Variants in PLEKHB1 observed in about 807,000 individuals in gnomAD.
PLEKHB1 encodes the protein pleckstrin homology domain-containing family B member 1.
In PLEKHB1, 29 loss-of-function variants were observed where a neutral mutation model predicts 36.2. The observed-to-expected ratio is 0.80, with a 90% CI of 0.60 to 1.09. The LOEUF is 1.09. Among genes scored for constraint, PLEKHB1 ranks in the 50% least tolerant of loss-of-function variants. The pLI, the probability that PLEKHB1 is intolerant of heterozygous loss-of-function variation, is 0.00. For missense variants in PLEKHB1, 330 were observed against 348.2 expected (o/e 0.95, Z 0.42); for synonymous variants, 138 against 140.0 (o/e 0.99, Z 0.10).
At chr11:73,657,830 C>T (rs3817514) in intron 6 of PLEKHB1, among the ~76,000 whole-genome samples, 76,354 of 152,018 alleles carry the variant, frequency 0.5, 20,712 homozygotes, top group Non-Finnish European at 0.61. Flanking sequence ...CCTATTGGAT[C>T]ACTGATGGGG....
In PLEKHB1 at chr11:73,646,601, C is replaced by T. The variant is rs956433028; in HGVS notation, c.-8C>T. 1.1e-5 allele frequency: 17 copies of T among 1,551,584 alleles called. No homozygotes were observed. The highest frequency in any genetic ancestry group is 1.4e-5 in the Non-Finnish European group (16 of 1,146,966). ...TCTGGGAAATGCTGCCCTGGCCACC[C>T]AGGAACCATGAGCCCTGCAGCCCCG... On this transcript the variant is annotated 5_prime_UTR_variant, in exon 1 of 8. Coordinates refer to ENST00000354190, the MANE Select transcript of PLEKHB1 (RefSeq NM_021200.3).
rs75484468 is a variant in PLEKHB1 at position 73,661,348 on chromosome 11, G to A, written c.596-118G>A. On this transcript the variant is annotated intron_variant, in intron 7 of 7. Coordinates refer to ENST00000354190, the MANE Select transcript of PLEKHB1 (RefSeq NM_021200.3). This position sits in a 1 kb window ranked among gnomAD's most constrained non-coding sequence, Gnocchi z 4.6. The stretch of plus-strand genomic sequence containing the variant: ...TCTAGATCTGTTCTTTGACTGGGGA[G>A]CAGGAGAGTGGGTTCGGCGCCTTAC... The A allele has an allele frequency of 4.0e-5, 45 of 1,130,310 alleles. No homozygotes were observed. The African/African-American group carries it at 5.1e-4, about 13-fold the overall frequency. 70.0% of individuals were successfully genotyped at this position (1,130,310 alleles called of 1,614,324 possible). A position where few individuals can be genotyped will look rare whatever the true frequency, so the allele number is the denominator to read the frequency against.
chr11:73,651,980 T>C, intron 4 of PLEKHB1, 90 bp downstream of exon 4: 5 of 1,197,680 alleles, frequency 4.2e-6, no homozygotes, highest in Non-Finnish European at 6.0e-6. Flanking sequence ...TCTCTGACCG[T>C]AGGAAGAGGG....
intron 6 of PLEKHB1, among the ~76,000 whole-genome samples, chr11:73,657,553 C>T (rs558028977): frequency 6.6e-6 from 1 of 152,308 alleles, no homozygotes; most frequent in Admixed American, 6.5e-5. Context: ...GGTCTCTGGG[C>T]TGTCCCTATT....
chr11:73,651,657 G>A (rs935259670), intron 3 of PLEKHB1, 131 bp from the exon 4 acceptor site: 13 of 701,798 alleles, frequency 1.9e-5, no homozygotes, highest in Admixed American at 1.8e-4. Context: ...GAGAGTATAT[G>A]GGATCAGAGG....
chr11:73,648,510 A>T (rs977975333), intron 1 of PLEKHB1, among the ~76,000 whole-genome samples: 1 of 152,242 alleles, frequency 6.6e-6, no homozygotes, highest in Non-Finnish European at 1.5e-5. Flanking sequence ...AGTGGGGTCC[A>T]AATAGGAGGG....
intron 5 of PLEKHB1, 45 bp downstream of exon 5, chr11:73,653,059 C>T: frequency 1.9e-6 from 3 of 1,566,670 alleles, no homozygotes; most frequent in South Asian, 2.3e-5. Context: ...CCTCCATGTG[C>T]CATGGAATCA....
chr11:73,661,512 C>A lies in PLEKHB1; in HGVS notation c.642C>A (p.Ser214Arg). The change falls in exon 8 of 8, where the codon AGC becomes AGA. Residue 214 changes from serine to arginine, a missense_variant. By Grantham distance (110) the Ser-to-Arg change is moderately radical. Coordinates refer to ENST00000354190, the MANE Select transcript of PLEKHB1 (RefSeq NM_021200.3). This position sits in a 1 kb window ranked among gnomAD's most constrained non-coding sequence, Gnocchi z 4.6. ...TAGTGCGGGAGGATCCCTGCTACAG[C>A]GCCGGCGCCCCTCTGGCCATGGGCA... Reference protein sequence around the residue: ...HVIVREDPCYSAGAPLAMGML... With the variant: ...HVIVREDPCYRAGAPLAMGML... 2 of 1,613,584 alleles carry A rather than the reference C, an allele frequency of 1.2e-6. No homozygotes were observed. The highest frequency in any genetic ancestry group is 1.7e-6 in the Non-Finnish European group (2 of 1,179,682).
chr11:73,656,035 C>T, intron 6 of PLEKHB1, 128 bp downstream of exon 6: 4 of 770,904 alleles, frequency 5.2e-6, no homozygotes, highest in South Asian at 1.6e-5. Context: ...GGACACAAAC[C>T]AGCTGCTCTG....
intron 1 of PLEKHB1, chr11:73,647,627 GA>G: frequency 1.0e-6 from 1 of 985,372 alleles, no homozygotes; most frequent in Non-Finnish European, 1.2e-6. Flanking sequence ...CGGGAGGAGA[GA>G]AATGCCCCAG....
chr11:73,647,914 G>A (rs2134792788), intron 1 of PLEKHB1: 16 of 985,432 alleles, frequency 1.6e-5, no homozygotes, highest in East Asian at 1.1e-4. Flanking sequence ...AGGTGGGGGA[G>A]GGGCGGAGGC....
rs1319590369 is a variant in PLEKHB1, at chr11:73,662,232, T to A, written c.*630T>A. On this transcript the variant is annotated 3_prime_UTR_variant, in exon 8 of 8. Transcript: ENST00000354190. ...GGAGCTTCCTAGGTGAAAGGGGAGA[T>A]GTGAGCCTTCTCTGGAGGGAAGTTT... The A allele has an allele frequency of 6.6e-6, 1 of 152,264 alleles. No individual in the cohort carries two copies. Among genetic ancestry groups the A allele is most frequent in the East Asian group, 1.9e-4 (1 of 5,196 alleles). The allele number at this position is 152,264 out of a possible 1,614,324, so 9.4% of individuals were successfully genotyped here. A position where few individuals can be genotyped will look rare whatever the true frequency, so the allele number is the denominator to read the frequency against.
chr11:73,647,547 T>A, intron 1 of PLEKHB1: 1 of 985,420 alleles, frequency 1.0e-6, no homozygotes, highest in Non-Finnish European at 1.2e-6. Context: ...TCTCTTCACG[T>A]CACTCCCCCT....
At position 73,661,586 on chromosome 11, in the gene PLEKHB1, C is replaced by A; in HGVS notation, c.716C>A (p.Ser239Ter). Residue 239 changes from serine to a stop codon, truncating the protein, a stop_gained, in exon 8 of 8, where the codon TCG (serine) becomes TAG (stop). Coordinates refer to ENST00000354190, the MANE Select transcript of PLEKHB1 (RefSeq NM_021200.3). LOFTEE classifies it high-confidence loss of function. The surrounding 1 kb of genome is among the most constrained non-coding windows in gnomAD (Gnocchi z 4.6). ...GCGGCGCTGGGCTCGCTCATGTGGTCGCCCTGCTGGTTCTGAGCCCTGGGA... is the reference window on the plus strand; with the variant it reads ...GCGGCGCTGGGCTCGCTCATGTGGTAGCCCTGCTGGTTCTGAGCCCTGGGA... Reference protein sequence around the residue: ...TGAALGSLMWSPCWF With the variant: ...TGAALGSLMW 6.3e-7 allele frequency: 1 copy of A among 1,595,312 alleles called. No homozygotes were observed. Among genetic ancestry groups the A allele is most frequent in the South Asian group, 1.1e-5 (1 of 88,554 alleles).
intron 1 of PLEKHB1, chr11:73,647,929 G>T (rs1944801073): frequency 1.0e-6 from 1 of 985,506 alleles, no homozygotes; most frequent in Non-Finnish European, 1.2e-6. Flanking sequence ...GGAGGCACCC[G>T]CTGGCAAGTG....
At chr11:73,660,991 C>G in intron 7 of PLEKHB1, 139 bp downstream of exon 7, 2 of 780,532 alleles carry the variant, frequency 2.6e-6, no homozygotes, top group Non-Finnish European at 4.2e-6. Flanking sequence ...TCTCCGCAAG[C>G]CCCTCTCCAT....
chr11:73,650,436 A>C lies in PLEKHB1; in HGVS notation c.95-117A>C, dbSNP rs971675607. 8 of 1,178,730 alleles carry C rather than the reference A, an allele frequency of 6.8e-6. No individual in the cohort carries two copies. In the Admixed American group the frequency reaches 2.1e-4, roughly 30 times the overall value. 73.0% of individuals were successfully genotyped at this position (1,178,730 alleles called of 1,614,324 possible). On this transcript the variant is annotated intron_variant, in intron 2 of 7. Coordinates refer to ENST00000354190, the MANE Select transcript of PLEKHB1 (RefSeq NM_021200.3). ...CCCTCATTTCAGGGGGTAGACAAGA[A>C]AAAGGTGGTTGTAACACTAGGGACT...
chr11:73,658,061 C>T (rs1945028715), intron 6 of PLEKHB1, among the ~76,000 whole-genome samples: 1 of 152,190 alleles, frequency 6.6e-6, no homozygotes, highest in Admixed American at 6.5e-5. Flanking sequence ...TCTCTGCCCT[C>T]AAAGGCATCT....
chr11:73,648,603 G>A (rs1944817704), intron 1 of PLEKHB1: 1 of 993,310 alleles, frequency 1.0e-6, no homozygotes, highest in Non-Finnish European at 1.2e-6. Context: ...TACTTTAAGA[G>A]TCTCATGCTC....
Sources: allele counts gnomAD v4.1 joint callset (sites outside exome capture counted in the v4.1 genomes callset), GRCh38; gene constraint gnomAD v4.1.1; non-coding constraint Gnocchi (gnomAD v3.1); transcripts MANE v1.5; gene names NCBI Gene and HGNC (gene_info 2026-07-23, HGNC 2026-07-21).